ATP6V0D2: variants seen among roughly 807,000 people sequenced by gnomAD.
ATP6V0D2 encodes V-type proton ATPase subunit d 2.
Under a neutral mutation model 40.0 loss-of-function variants are expected in ATP6V0D2, and 40 were observed. That is an observed-to-expected ratio of 1.00 (90% CI 0.78 to 1.30). The LOEUF (loss-of-function observed/expected upper bound fraction) is 1.30, where lower values mean the gene tolerates loss of function less well. ATP6V0D2 is among the 50% of genes most tolerant of loss of function. ATP6V0D2 has a pLI of 0.00. For missense variants in ATP6V0D2, 470 were observed against 423.1 expected (o/e 1.11, Z -0.97); for synonymous variants, 179 against 156.3 (o/e 1.15, Z -1.08).
intron 1 of ATP6V0D2, among the ~76,000 whole-genome samples, chr8:86,103,402 A>T (rs1266037212): frequency 1.3e-5 from 2 of 150,946 alleles, no homozygotes; most frequent in Non-Finnish European, 2.9e-5. Context: ...AAGTGCTGGG[A>T]TTACAGACGT....
At chr8:86,122,639 G>A (rs1818685048) in intron 2 of ATP6V0D2, among the ~76,000 whole-genome samples, 1 of 152,274 alleles carries the variant, frequency 6.6e-6, no homozygotes, top group East Asian at 1.9e-4. Flanking sequence ...GTCCACAAAT[G>A]GTGTAAAAGT....
intron 3 of ATP6V0D2, 115 bp downstream of exon 3, chr8:86,139,750 T>A: frequency 8.6e-7 from 1 of 1,169,172 alleles, no homozygotes; most frequent in Non-Finnish European, 1.2e-6. Flanking sequence ...GATTTCACAA[T>A]TTTTTTCCAT....
chr8:86,147,207 A>G (rs1819082792), intron 5 of ATP6V0D2, among the ~76,000 whole-genome samples: 1 of 152,066 alleles, frequency 6.6e-6, no homozygotes, highest in African/African-American at 2.4e-5. Flanking sequence ...TTCCATTGCC[A>G]CTGACATCTC....
chr8:86,118,755 A>T (rs1818629075), intron 2 of ATP6V0D2, among the ~76,000 whole-genome samples: 1 of 151,744 alleles, frequency 6.6e-6, no homozygotes, highest in Non-Finnish European at 1.5e-5. Flanking sequence ...ACTAGACAAC[A>T]TTTACAGAAT....
At chr8:86,125,217 G>A (rs1049321895) in intron 2 of ATP6V0D2, among the ~76,000 whole-genome samples, 4 of 152,240 alleles carry the variant, frequency 2.6e-5, no homozygotes, top group Admixed American at 6.5e-5. Context: ...TTTTGAGTGG[G>A]ATACAAATCA....
Position 86,103,579 on chromosome 8 carries a change from A to G in ATP6V0D2, c.130+4471A>G, listed in dbSNP as rs562481743. On this transcript the variant is annotated intron_variant, in intron 1 of 7. Coordinates refer to ENST00000285393, the MANE Select transcript of ATP6V0D2 (RefSeq NM_152565.1). Reference sequence around the variant, plus strand: ...TTCAGGTAGGAATTAATTCAACACCATCTAGTAAGTACTTTCTAGCTAGCG... The same window carrying G: ...TTCAGGTAGGAATTAATTCAACACCGTCTAGTAAGTACTTTCTAGCTAGCG... Among the ~76,000 whole-genome samples the G allele has an allele frequency of 2.0e-5, 3 of 152,248 alleles. No homozygotes were observed. In the South Asian group the frequency reaches 6.2e-4, roughly 32 times the overall value.
intron 1 of ATP6V0D2, among the ~76,000 whole-genome samples, chr8:86,101,439 G>A (rs1363226772): frequency 1.5e-5 from 2 of 133,908 alleles, no homozygotes; most frequent in South Asian, 2.4e-4. Flanking sequence ...CAGCCTGGGC[G>A]ACAGAGTGAG....
At chr8:86,116,532 T>C (rs1818593453) in intron 2 of ATP6V0D2, among the ~76,000 whole-genome samples, 1 of 152,202 alleles carries the variant, frequency 6.6e-6, no homozygotes, top group African/African-American at 2.4e-5. Context: ...AATAACTGCA[T>C]AGAATTGGCT....
intron 5 of ATP6V0D2, among the ~76,000 whole-genome samples, chr8:86,148,699 AAGT>A (rs1345224196): frequency 6.6e-6 from 1 of 152,132 alleles, no homozygotes; most frequent in Non-Finnish European, 1.5e-5. Context: ...GAGAATTTCA[AAGT>A]AGTAGGATCA....
intron 2 of ATP6V0D2, among the ~76,000 whole-genome samples, chr8:86,126,525 G>A (rs1198126037): frequency 1.3e-5 from 2 of 151,802 alleles, no homozygotes; most frequent in Non-Finnish European, 2.9e-5. Context: ...GGCAGAATTA[G>A]TACTGGAATC....
At chr8:86,123,572 T>C (rs1012010270) in intron 2 of ATP6V0D2, among the ~76,000 whole-genome samples, 1 of 152,148 alleles carries the variant, frequency 6.6e-6, no homozygotes, top group Non-Finnish European at 1.5e-5. Context: ...GGAATATGAT[T>C]AGATTCATTT....
intron 2 of ATP6V0D2, among the ~76,000 whole-genome samples, chr8:86,119,813 A>C (rs1044537409): frequency 6.6e-6 from 1 of 151,982 alleles, no homozygotes; most frequent in Non-Finnish European, 1.5e-5. Context: ...TAATTTATCT[A>C]CTCTTCCTAT....
chr8:86,110,156 G>A lies in ATP6V0D2; in HGVS notation c.131-3553G>A, dbSNP rs533862383. 1.6e-4 allele frequency among the ~76,000 whole-genome samples: 24 copies of A among 152,222 alleles called. No homozygotes were observed. In the South Asian group the frequency reaches 2.3e-3, roughly 15 times the overall value. On this transcript the variant is annotated intron_variant, in intron 1 of 7. Coordinates refer to ENST00000285393, the MANE Select transcript of ATP6V0D2 (RefSeq NM_152565.1). ...TTTGCCCAGGCTGGGGTGCAGTGGCGCATTCTCAGCTCACTGCAACTTCAG... is the reference window on the plus strand; with the variant it reads ...TTTGCCCAGGCTGGGGTGCAGTGGCACATTCTCAGCTCACTGCAACTTCAG...
intron 1 of ATP6V0D2, among the ~76,000 whole-genome samples, chr8:86,105,556 C>G (rs1238962576): frequency 6.6e-6 from 1 of 151,668 alleles, no homozygotes; most frequent in African/African-American, 2.4e-5. Flanking sequence ...CCTCAGCCTC[C>G]CAAAGTACTG....
In ATP6V0D2 at chr8:86,111,248, G is replaced by A. The variant is rs187121356; in HGVS notation, c.131-2461G>A. The stretch of plus-strand genomic sequence containing the variant: ...GTCACCCAGGCTAGAGTACAGTGGC[G>A]AGATCATAGCTCACTGAAGCCTCGA... On this transcript the variant is annotated intron_variant, in intron 1 of 7. Transcript: ENST00000285393. Among the ~76,000 whole-genome samples the A allele has an allele frequency of 4.5e-3, 679 of 150,102 alleles. 2 individuals carry two copies. The highest frequency in any genetic ancestry group is 7.8e-3 in the Non-Finnish European group (529 of 67,662).
chr8:86,102,637 CA>C (rs1339253255), intron 1 of ATP6V0D2, among the ~76,000 whole-genome samples: 1 of 152,194 alleles, frequency 6.6e-6, no homozygotes, highest in African/African-American at 2.4e-5. Context: ...GATCATCCAG[CA>C]AAGCTTTGAA....
intron 2 of ATP6V0D2, among the ~76,000 whole-genome samples, chr8:86,130,384 A>T (rs1240457863): frequency 6.6e-6 from 1 of 152,216 alleles, no homozygotes; most frequent in Non-Finnish European, 1.5e-5. Context: ...ATGAGAAGAA[A>T]CTGGGTATGG....
chr8:86,111,204 A>G (rs1322269015), intron 1 of ATP6V0D2, among the ~76,000 whole-genome samples: 2 of 142,606 alleles, frequency 1.4e-5, no homozygotes, highest in African/African-American at 5.2e-5. Context: ...TTTTAAATGT[A>G]GAGACAAGGT....
intron 2 of ATP6V0D2, among the ~76,000 whole-genome samples, chr8:86,130,517 A>G (rs1352646701): frequency 6.6e-6 from 1 of 152,176 alleles, no homozygotes; most frequent in South Asian, 2.1e-4. Flanking sequence ...CAGTGTGTGC[A>G]ATGCTTAAGA....
Sources: gnomAD v4.1 joint callset for allele counts (sites outside exome capture counted in the v4.1 genomes callset) on GRCh38, gnomAD v4.1.1 for gene constraint, MANE v1.5 for transcripts, NCBI Gene and HGNC (gene_info 2026-07-23, HGNC 2026-07-21) for gene names.